The following CSMD1 variants were observed in gnomAD, a reference collection of about 807,000 sequenced individuals.
CSMD1 encodes CUB and Sushi multiple domains 1.
In CSMD1, 213 loss-of-function variants were observed where a neutral mutation model predicts 417.5. That is an observed-to-expected ratio of 0.51 (90% CI 0.46 to 0.57). The LOEUF (loss-of-function observed/expected upper bound fraction) is 0.57, where lower values mean the gene tolerates loss of function less well. Ranked by LOEUF, CSMD1 falls within the 20% of genes least tolerant of loss-of-function variation. The pLI is 0.00. For missense variants in CSMD1, 6,923 were observed against 4,529.7 expected (o/e 1.53, Z -15.17); for synonymous variants, 2,862 against 1,736.8 (o/e 1.65, Z -16.11).
At chr8:2,984,425 T>G (rs745977552) in intron 54 of CSMD1, among the ~76,000 whole-genome samples, 1 of 152,060 alleles carries the variant, frequency 6.6e-6, no homozygotes, top group African/African-American at 2.4e-5. Context: ...CTTGGCTCAC[T>G]GCAACCTCCG....
intron 2 of CSMD1, among the ~76,000 whole-genome samples, chr8:4,513,643 G>C (rs972296728): frequency 6.6e-6 from 1 of 152,162 alleles, no homozygotes; most frequent in African/African-American, 2.4e-5. Context: ...TGAAGTTAAA[G>C]GAAGAGTTCT....
chr8:3,047,930 G>A (rs893607406), intron 50 of CSMD1, among the ~76,000 whole-genome samples: 1 of 152,188 alleles, frequency 6.6e-6, no homozygotes, highest in Non-Finnish European at 1.5e-5. Context: ...TTCTGTTCTG[G>A]ATGTATTCAC....
intron 3 of CSMD1, among the ~76,000 whole-genome samples, chr8:4,051,656 G>T (rs896573706): frequency 6.6e-6 from 1 of 152,082 alleles, no homozygotes; most frequent in African/African-American, 2.4e-5. Context: ...AAAATGGTGA[G>T]CAGGATAAAT....
intron 10 of CSMD1, among the ~76,000 whole-genome samples, chr8:3,546,644 CAA>C (rs3086570): frequency 6.6e-6 from 1 of 150,746 alleles, no homozygotes; most frequent in South Asian, 2.1e-4. Context: ...CATTATAAAA[CAA>C]AAAAAAATTA....
intron 1 of CSMD1, among the ~76,000 whole-genome samples, chr8:4,719,969 C>A (rs1334780806): frequency 6.6e-6 from 1 of 152,020 alleles, no homozygotes; most frequent in African/African-American, 2.4e-5. Flanking sequence ...TTTTTGTCTA[C>A]ATTTTACCTA....
At chr8:4,261,391 T>C (rs1803868077) in intron 3 of CSMD1, among the ~76,000 whole-genome samples, 1 of 152,072 alleles carries the variant, frequency 6.6e-6, no homozygotes, top group South Asian at 2.1e-4. Flanking sequence ...ATCAGAATGG[T>C]AGTTGCCAGG....
At chr8:3,599,930 G>C (rs1334557169) in intron 8 of CSMD1, among the ~76,000 whole-genome samples, 1 of 152,148 alleles carries the variant, frequency 6.6e-6, no homozygotes, top group African/African-American at 2.4e-5. Context: ...CGGCACAGCA[G>C]GACGTCTTAA....
At chr8:3,464,104 C>A (rs1004644063) in intron 12 of CSMD1, among the ~76,000 whole-genome samples, 1 of 152,168 alleles carries the variant, frequency 6.6e-6, no homozygotes, top group African/African-American at 2.4e-5. Flanking sequence ...GGAAACAGTT[C>A]CTTTAATTCA....
Position 3,767,943 on chromosome 8 carries a change from G to A in CSMD1, c.819-13901C>T, listed in dbSNP as rs145825358. 3.4e-3 allele frequency among the ~76,000 whole-genome samples: 517 copies of A among 152,252 alleles called. 7 individuals are homozygous for A. The highest frequency in any genetic ancestry group is 0.012 in the African/African-American group (498 of 41,526). On this transcript the variant is annotated intron_variant, in intron 5 of 69. Coordinates refer to ENST00000635120, the MANE Select transcript of CSMD1 (RefSeq NM_033225.6). ...CTTTTTTCCACTTTACATTAATGAT[G>A]TGAACATTACACGTCATGGGATGCT...
intron 10 of CSMD1, among the ~76,000 whole-genome samples, chr8:3,517,326 C>G (rs1183457398): frequency 6.6e-6 from 1 of 152,062 alleles, no homozygotes; most frequent in Non-Finnish European, 1.5e-5. Flanking sequence ...ACAGGCAATC[C>G]AAGTAAAATT....
intron 37 of CSMD1, among the ~76,000 whole-genome samples, chr8:3,168,869 A>C (rs534788974): frequency 2.6e-5 from 4 of 152,264 alleles, no homozygotes; most frequent in Non-Finnish European, 5.9e-5. Flanking sequence ...AAAGGAGTGC[A>C]TGTCTGGTGA....
chr8:3,307,433 A>C (rs1383340625), intron 25 of CSMD1, among the ~76,000 whole-genome samples: 2 of 152,104 alleles, frequency 1.3e-5, no homozygotes, highest in Non-Finnish European at 2.9e-5. Flanking sequence ...TTCAGCTACT[A>C]AATTTGGGGG....
intron 5 of CSMD1, among the ~76,000 whole-genome samples, chr8:3,967,738 CAAG>C (rs1354342286): frequency 6.6e-6 from 1 of 151,988 alleles, no homozygotes; most frequent in Non-Finnish European, 1.5e-5. Context: ...CAACAAAGGC[CAAG>C]AAGAAAGAAC....
chr8:4,750,055 G>A (rs1811202779), intron 1 of CSMD1, among the ~76,000 whole-genome samples: 2 of 150,502 alleles, frequency 1.3e-5, no homozygotes, highest in African/African-American at 4.9e-5. Flanking sequence ...CGCCCAGGCT[G>A]GAGTGCAGTG....
intron 68 of CSMD1, among the ~76,000 whole-genome samples, chr8:2,945,481 G>T (rs1194795431): frequency 1.3e-5 from 2 of 151,472 alleles, no homozygotes; most frequent in Non-Finnish European, 2.9e-5. Flanking sequence ...GAAATCTTTT[G>T]CCTATATCTA....
intron 4 of CSMD1, among the ~76,000 whole-genome samples, chr8:4,003,743 A>G (rs1353629154): frequency 1.3e-5 from 2 of 152,204 alleles, no homozygotes; most frequent in Non-Finnish European, 2.9e-5. Flanking sequence ...GGCGAGTGAC[A>G]CTGAGAGGGC....
At chr8:3,114,207 G>A (rs1816713761) in intron 42 of CSMD1, among the ~76,000 whole-genome samples, 1 of 152,108 alleles carries the variant, frequency 6.6e-6, no homozygotes, top group Admixed American at 6.5e-5. Context: ...TTGCACCACT[G>A]CACTCCAGCC....
intron 18 of CSMD1, among the ~76,000 whole-genome samples, chr8:3,382,238 G>C (rs192664701): frequency 1.7e-4 from 26 of 151,480 alleles, no homozygotes; most frequent in African/African-American, 6.0e-4. Flanking sequence ...CAGCAGGAAA[G>C]GGAAAAAGTT....
In CSMD1 at chr8:4,582,228, G is replaced by C. The variant is rs73659106; in HGVS notation, c.302+55114C>G. On this transcript the variant is annotated intron_variant, in intron 2 of 69. Coordinates refer to ENST00000635120, the MANE Select transcript of CSMD1 (RefSeq NM_033225.6). ...CACCCACTAAGCACTTAGAATTACT[G>C]TCAATAATAATAAAGGGCTGACCTA... is the stretch of plus-strand genomic sequence containing the variant. Among the ~76,000 whole-genome samples the C allele has an allele frequency of 8.9e-3, 1,362 of 152,186 alleles. 24 individuals carry two copies. The highest frequency in any genetic ancestry group is 0.032 in the African/African-American group (1,319 of 41,524).
Sources: allele counts gnomAD v4.1 joint callset (sites outside exome capture counted in the v4.1 genomes callset), GRCh38; gene constraint gnomAD v4.1.1; transcripts MANE v1.5; gene names NCBI Gene and HGNC (gene_info 2026-07-23, HGNC 2026-07-21).